The following GRB10 variants were observed in gnomAD, a reference collection of about 807,000 sequenced individuals.
GRB10 encodes growth factor receptor-bound protein 10.
In GRB10, 20 loss-of-function variants were observed where a neutral mutation model predicts 80.9. The ratio of observed to expected loss-of-function variants is 0.25; its 90% CI spans 0.17 to 0.36. The LOEUF (loss-of-function observed/expected upper bound fraction) is 0.36, where lower values mean the gene tolerates loss of function less well. Ranked by LOEUF, GRB10 falls within the 10% of genes least tolerant of loss-of-function variation. The pLI is 1.00. For missense variants in GRB10, 548 were observed against 747.7 expected (o/e 0.73, Z 3.12); for synonymous variants, 291 against 291.5 (o/e 1.00, Z 0.02).
chr7:50,674,783 A>G, intron 5 of GRB10, 125 bp from the exon 6 acceptor site: 1 of 793,236 alleles, frequency 1.3e-6, no homozygotes, highest in South Asian at 1.5e-5. Context: ...TGGAAGGGGT[A>G]GAGGGGAAAC....
chr7:50,618,484 A>G (rs758005059), intron 9 of GRB10, among the ~76,000 whole-genome samples: 12 of 152,258 alleles, frequency 7.9e-5, no homozygotes, highest in Non-Finnish European at 1.8e-4. Context: ...ACTAAAAGGT[A>G]AGCCCAGTCA....
At chr7:50,627,562 A>G (rs1215957121) in intron 7 of GRB10, among the ~76,000 whole-genome samples, 1 of 152,180 alleles carries the variant, frequency 6.6e-6, no homozygotes, top group Admixed American at 6.5e-5. Context: ...CATAGTCACA[A>G]GATTCTTTAG....
intron 7 of GRB10, among the ~76,000 whole-genome samples, chr7:50,634,681 A>G (rs775754192): frequency 1.3e-5 from 2 of 152,252 alleles, no homozygotes; most frequent in Non-Finnish European, 2.9e-5. Context: ...GACTCAAAGT[A>G]AATGGGTGGA....
intron 3 of GRB10, among the ~76,000 whole-genome samples, chr7:50,740,579 A>C (rs977848400): frequency 6.6e-6 from 1 of 152,248 alleles, no homozygotes; most frequent in Non-Finnish European, 1.5e-5. Flanking sequence ...CTTTATTAAG[A>C]AAAATATAAT....
chr7:50,704,486 T>G (rs1296169537), intron 4 of GRB10, among the ~76,000 whole-genome samples: 3 of 152,168 alleles, frequency 2.0e-5, no homozygotes, highest in Non-Finnish European at 4.4e-5. Flanking sequence ...GAAAGATACA[T>G]TCAAATGTGG....
At chr7:50,645,503 T>A in intron 7 of GRB10, 1 of 700,630 alleles carries the variant, frequency 1.4e-6, no homozygotes, top group Non-Finnish European at 1.8e-6. Context: ...CTAACTCCTT[T>A]AAAACCAAGC....
intron 7 of GRB10, 111 bp downstream of exon 7, chr7:50,669,611 G>T: frequency 9.7e-7 from 1 of 1,029,734 alleles, no homozygotes; most frequent in Non-Finnish European, 1.5e-6. Flanking sequence ...TGAGAGAGAA[G>T]ATCCCAGGAC....
intron 7 of GRB10, among the ~76,000 whole-genome samples, chr7:50,642,826 A>G (rs1385241403): frequency 6.6e-6 from 1 of 152,216 alleles, no homozygotes; most frequent in Non-Finnish European, 1.5e-5. Flanking sequence ...TCATTGTAGC[A>G]AATTTGGAAA....
intron 5 of GRB10, among the ~76,000 whole-genome samples, chr7:50,683,753 A>T (rs1371102498): frequency 2.3e-5 from 3 of 129,312 alleles, no homozygotes; most frequent in Non-Finnish European, 3.5e-5. Flanking sequence ...AATAAATAAA[A>T]AACAAAAAAT....
At chr7:50,671,139 C>A (rs775624732) in intron 6 of GRB10, among the ~76,000 whole-genome samples, 2 of 152,218 alleles carry the variant, frequency 1.3e-5, no homozygotes, top group Non-Finnish European at 2.9e-5. Flanking sequence ...GGACACACAG[C>A]CTCCTCCACC....
intron 2 of GRB10, among the ~76,000 whole-genome samples, chr7:50,776,472 T>C (rs1161818942): frequency 6.6e-6 from 1 of 152,122 alleles, no homozygotes; most frequent in Non-Finnish European, 1.5e-5. Flanking sequence ...CCTCTCACCT[T>C]GGCCTCTCAA....
chr7:50,639,059 T>C (rs556296104), intron 7 of GRB10, among the ~76,000 whole-genome samples: 26 of 152,198 alleles, frequency 1.7e-4, no homozygotes, highest in African/African-American at 6.0e-4. Flanking sequence ...AACATAAAGA[T>C]GGAATTAACA....
chr7:50,677,567 C>T (rs2061090968), intron 5 of GRB10, among the ~76,000 whole-genome samples: 1 of 152,212 alleles, frequency 6.6e-6, no homozygotes, highest in Non-Finnish European at 1.5e-5. Flanking sequence ...TAGTGGAGAC[C>T]ACGAATCTGG....
chr7:50,756,007 C>G lies in GRB10; in HGVS notation c.-167G>C. ...CTGCTGGTCACTGAGCTACCAGTCA[C>G]TGGGCCTGCAGCTGCTGCTTCCTGC... On this transcript the variant is annotated 5_prime_UTR_variant, in exon 3 of 19. Coordinates refer to ENST00000401949, the MANE Select transcript of GRB10 (RefSeq NM_001350814.2). The G allele has an allele frequency of 5.0e-6, 2 of 398,784 alleles. No homozygotes were observed. Among genetic ancestry groups the G allele is most frequent in the Non-Finnish European group, 8.8e-6 (2 of 226,190 alleles). 24.7% of individuals were successfully genotyped at this position (398,784 alleles called of 1,614,324 possible).
At chr7:50,609,272 G>A (rs1750092075) in intron 13 of GRB10, among the ~76,000 whole-genome samples, 1 of 152,028 alleles carries the variant, frequency 6.6e-6, no homozygotes, top group Non-Finnish European at 1.5e-5. Flanking sequence ...TTAAACATAA[G>A]GACCCAGAAA....
At chr7:50,669,278 C>T (rs1392137746) in intron 7 of GRB10, among the ~76,000 whole-genome samples, 3 of 152,280 alleles carry the variant, frequency 2.0e-5, no homozygotes, top group Non-Finnish European at 2.9e-5. Flanking sequence ...AATCATGGTG[C>T]GGGCATGTGC....
intron 5 of GRB10, among the ~76,000 whole-genome samples, chr7:50,698,940 C>A (rs2063794518): frequency 6.6e-6 from 1 of 152,216 alleles, no homozygotes. Flanking sequence ...CATAATATAG[C>A]TCTCCACTTA....
chr7:50,609,586 G>A (rs4947714), intron 13 of GRB10, among the ~76,000 whole-genome samples: 114,160 of 152,156 alleles, frequency 0.75, 43,476 homozygotes, highest in East Asian at 0.98. Context: ...TTAATGCTGC[G>A]TTCATTGCCT....
chr7:50,691,633 A>T (rs1305054876), intron 5 of GRB10, among the ~76,000 whole-genome samples: 2 of 152,248 alleles, frequency 1.3e-5, no homozygotes, highest in Non-Finnish European at 2.9e-5. Flanking sequence ...GTTGCAGAAT[A>T]ATCATTAATG....
Sources: allele counts gnomAD v4.1 joint callset (sites outside exome capture counted in the v4.1 genomes callset), GRCh38; gene constraint gnomAD v4.1.1; transcripts MANE v1.5; gene names NCBI Gene and HGNC (gene_info 2026-07-23, HGNC 2026-07-21).